RBMS3: variants seen among roughly 807,000 people sequenced by gnomAD.
RBMS3 encodes RNA binding motif single stranded interacting protein 3.
RBMS3 carries 27 observed loss-of-function variants against 66.8 expected under a neutral mutation model. The observed-to-expected ratio is 0.40, with a 90% CI of 0.30 to 0.56. The LOEUF is 0.56. Among genes scored for constraint, RBMS3 ranks in the 20% least tolerant of loss-of-function variants. The pLI, the probability that RBMS3 is intolerant of heterozygous loss-of-function variation, is 0.40. For synonymous variants in RBMS3, 188 were observed against 183.0 expected (o/e 1.03, Z -0.22); for missense variants, 513 against 549.5 (o/e 0.93, Z 0.66).
At chr3:29,513,418 G>C (rs1297253516) in intron 3 of RBMS3, among the ~76,000 whole-genome samples, 1 of 152,070 alleles carries the variant, frequency 6.6e-6, no homozygotes, top group East Asian at 1.9e-4. Context: ...CGATATCTCT[G>C]CAACTGAGAT....
intron 11 of RBMS3, among the ~76,000 whole-genome samples, chr3:29,937,453 G>A (rs1286458511): frequency 6.6e-6 from 1 of 151,972 alleles, no homozygotes; most frequent in Non-Finnish European, 1.5e-5. Context: ...AATATAAGAA[G>A]TTACTGGCAT....
chr3:29,443,073 G>A (rs1324646833), intron 2 of RBMS3, among the ~76,000 whole-genome samples: 1 of 152,028 alleles, frequency 6.6e-6, no homozygotes, highest in Non-Finnish European at 1.5e-5. Flanking sequence ...GACAATTCCA[G>A]TTTTGTAACC....
At chr3:29,289,782 T>A (rs1454950695) in intron 1 of RBMS3, among the ~76,000 whole-genome samples, 1 of 151,818 alleles carries the variant, frequency 6.6e-6, no homozygotes, top group African/African-American at 2.4e-5. Flanking sequence ...GAGCTGACAT[T>A]TAAATTTGTT....
At position 29,281,464 on chromosome 3, in the gene RBMS3, C is replaced by A; in HGVS notation, c.-218C>A. ...GTGTGGGTGTTTTTTCTACAGATCT[C>A]ACTCCTCGCCCTTTTTTTTTTTCCT... On this transcript the variant is annotated 5_prime_UTR_variant, in exon 1 of 15. Coordinates refer to ENST00000383767, the MANE Select transcript of RBMS3 (RefSeq NM_001003793.3). 1 of 511,878 alleles carries A rather than the reference C, an allele frequency of 2.0e-6. No individual in the cohort carries two copies. The highest frequency in any genetic ancestry group is 3.1e-5 in the East Asian group (1 of 31,848). 31.7% of individuals were successfully genotyped at this position (511,878 alleles called of 1,614,324 possible). A position where few individuals can be genotyped will look rare whatever the true frequency, so the allele number is the denominator to read the frequency against.
intron 14 of RBMS3, among the ~76,000 whole-genome samples, chr3:29,996,612 T>A (rs1699260638): frequency 1.3e-5 from 2 of 149,774 alleles, no homozygotes; most frequent in Non-Finnish European, 3.0e-5. Context: ...GGATTAAGAA[T>A]CTCACTCAAA....
intron 6 of RBMS3, chr3:29,767,402 C>T (rs942735652): frequency 1.3e-4 from 19 of 150,162 alleles, no homozygotes; most frequent in African/African-American, 4.7e-4. Context: ...TTACTCTTTA[C>T]ATAATTGTTT....
chr3:29,686,751 T>A (rs2051749191), intron 4 of RBMS3, among the ~76,000 whole-genome samples: 1 of 152,204 alleles, frequency 6.6e-6, no homozygotes, highest in South Asian at 2.1e-4. Flanking sequence ...ATTGCTTACA[T>A]TTTCATACGT....
At chr3:29,795,185 C>T (rs1376157026) in intron 6 of RBMS3, among the ~76,000 whole-genome samples, 2 of 152,182 alleles carry the variant, frequency 1.3e-5, no homozygotes, top group Admixed American at 1.3e-4. Flanking sequence ...GTACCTTTCT[C>T]TGTCTTTTGT....
intron 3 of RBMS3, among the ~76,000 whole-genome samples, chr3:29,564,852 G>T (rs1243210317): frequency 6.6e-6 from 1 of 151,894 alleles, no homozygotes; most frequent in Non-Finnish European, 1.5e-5. Context: ...CATAGTTTGG[G>T]CTTAGATACA....
At chr3:29,756,130 T>A (rs149768441) in intron 5 of RBMS3, among the ~76,000 whole-genome samples, 51 of 152,312 alleles carry the variant, frequency 3.3e-4, no homozygotes, top group African/African-American at 1.2e-3. Context: ...GATGTCTTTT[T>A]TTCTGACACC....
intron 1 of RBMS3, among the ~76,000 whole-genome samples, chr3:29,369,627 T>C (rs546499131): frequency 6.6e-6 from 1 of 151,594 alleles, no homozygotes; most frequent in South Asian, 2.1e-4. Context: ...TTGGTGATGG[T>C]TGAAATAACA....
rs1231827000 is a variant in RBMS3 at position 30,004,140 on chromosome 3, T to C, written c.*278T>C. ...AAAAAAAACTACAAAAAACAAAACATTGAAGGTTGATATTTTATGTGGAAG... is the reference window on the plus strand; with the variant it reads ...AAAAAAAACTACAAAAAACAAAACACTGAAGGTTGATATTTTATGTGGAAG... On this transcript the variant is annotated 3_prime_UTR_variant, in exon 15 of 15. Transcript: ENST00000383767. 2 of 287,864 alleles carry C rather than the reference T, an allele frequency of 6.9e-6. No individual in the cohort carries two copies. Among genetic ancestry groups the C allele is most frequent in the Non-Finnish European group, 1.3e-5 (2 of 157,064 alleles). The allele number at this position is 287,864 out of a possible 1,614,324, so 17.8% of individuals were successfully genotyped here.
At chr3:29,761,582 C>T (rs1221476629) in intron 5 of RBMS3, among the ~76,000 whole-genome samples, 1 of 152,110 alleles carries the variant, frequency 6.6e-6, no homozygotes, top group African/African-American at 2.4e-5. Context: ...TTCTGGGATT[C>T]CTCTCACATT....
intron 4 of RBMS3, among the ~76,000 whole-genome samples, chr3:29,720,183 C>T (rs556764108): frequency 3.3e-5 from 5 of 152,198 alleles, no homozygotes; most frequent in South Asian, 2.1e-4. Flanking sequence ...GCCTGAGAAA[C>T]GTGGCCTTTT....
At chr3:29,783,564 A>G (rs529009673) in intron 6 of RBMS3, among the ~76,000 whole-genome samples, 1 of 152,100 alleles carries the variant, frequency 6.6e-6, no homozygotes, top group Non-Finnish European at 1.5e-5. Flanking sequence ...CTTGAAATAA[A>G]CCCCTCAAAA....
chr3:29,500,805 A>G (rs2043938246), intron 3 of RBMS3, among the ~76,000 whole-genome samples: 1 of 151,688 alleles, frequency 6.6e-6, no homozygotes. Flanking sequence ...GTGATGCATG[A>G]CTGTATATAA....
intron 4 of RBMS3, among the ~76,000 whole-genome samples, chr3:29,689,940 AAAAAAAAAAAAAAAAGTGAAAG>A (rs1365472284): frequency 7.4e-6 from 1 of 135,906 alleles, no homozygotes; most frequent in East Asian, 2.4e-4. Context: ...AAAAAAAAAA[AAAAAAAAAAAAAAAAGTGAAAG>A]AAAGGGAGAT....
Position 29,323,727 on chromosome 3 carries a change from C to CAA in RBMS3, c.75+41971_75+41972insAA, listed in dbSNP as rs1559487835. On this transcript the variant is annotated intron_variant, in intron 1 of 14. Coordinates refer to ENST00000383767, the MANE Select transcript of RBMS3 (RefSeq NM_001003793.3). ...ACACACACACACACACACACACACA[C>CAA]CCCTTGGACTGAATTCTAGATGCAA... 2.4e-5 allele frequency among the ~76,000 whole-genome samples: 3 copies of CAA among 123,198 alleles called. No individual in the cohort carries two copies. In the Admixed American group the frequency reaches 2.5e-4, roughly 10 times the overall value. 80.8% of individuals were successfully genotyped at this position (123,198 alleles called of 152,430 possible).
intron 3 of RBMS3, among the ~76,000 whole-genome samples, chr3:29,501,435 C>T (rs2043968778): frequency 6.6e-6 from 1 of 152,200 alleles, no homozygotes; most frequent in Non-Finnish European, 1.5e-5. Flanking sequence ...AAGATGGTTC[C>T]AGTTTACAAG....
Sources: gnomAD v4.1 joint callset for allele counts (sites outside exome capture counted in the v4.1 genomes callset) on GRCh38, gnomAD v4.1.1 for gene constraint, MANE v1.5 for transcripts, NCBI Gene and HGNC (gene_info 2026-07-23, HGNC 2026-07-21) for gene names.